The following VPS33A variants were observed in gnomAD, a reference collection of about 807,000 sequenced individuals.
VPS33A encodes the protein VPS33A core subunit of CORVET and HOPS complexes.
A neutral mutation model predicts 71.8 loss-of-function variants in VPS33A; 32 were observed. The observed-to-expected ratio is 0.45, with a 90% confidence interval of 0.34 to 0.60. VPS33A has a LOEUF of 0.60. Among genes scored for constraint, VPS33A ranks in the 20% least tolerant of loss-of-function variants. The probability of loss-of-function intolerance (pLI) is 0.02; values close to 1 mark genes in which losing one functional copy is unlikely to be tolerated. For synonymous variants in VPS33A, 311 were observed against 292.7 expected (o/e 1.06, Z -0.64); for missense variants, 625 against 748.5 (o/e 0.84, Z 1.92).
chr12:122,256,186 A>C (rs901368816), intron 4 of VPS33A, among the ~76,000 whole-genome samples: 1 of 152,072 alleles, frequency 6.6e-6, no homozygotes, highest in African/African-American at 2.4e-5. Context: ...CTCTGTAACA[A>C]CACAATGGGG....
At chr12:122,261,712 T>G (rs1326996505) in intron 3 of VPS33A, among the ~76,000 whole-genome samples, 1 of 151,988 alleles carries the variant, frequency 6.6e-6, no homozygotes, top group Non-Finnish European at 1.5e-5. Context: ...CTATAAAATA[T>G]ACAAAAATGG....
intron 4 of VPS33A, among the ~76,000 whole-genome samples, chr12:122,256,240 C>G (rs1464154003): frequency 6.6e-6 from 1 of 151,936 alleles, no homozygotes; most frequent in East Asian, 1.9e-4. Flanking sequence ...CAGCGGTTCC[C>G]TAAAGTTCTA....
chr12:122,250,069 GTGGGGCCCCCC>G, intron 5 of VPS33A, 24 bp from the exon 6 acceptor site: 1 of 1,576,262 alleles, frequency 6.3e-7, no homozygotes, highest in Middle Eastern at 1.7e-4. Flanking sequence ...ATTGGATGAG[GTGGGGCCCCCC>G]TGGGAACAAG....
At position 122,232,995 on chromosome 12, in the gene VPS33A, C is replaced by T. The variant is rs557860368; in HGVS notation, c.1441-27G>A. On this transcript the variant is annotated intron_variant, in intron 11 of 12. Coordinates refer to ENST00000267199, the MANE Select transcript of VPS33A (RefSeq NM_022916.6). ...TGTGAGATAATTAAAGAACAAAAAC[C>T]CTATAGATACAGAGACTTAGAGCTA... 1.6e-5 allele frequency: 25 copies of T among 1,556,950 alleles called. No homozygotes were observed. The African/African-American group carries it at 2.2e-4, about 14-fold the overall frequency.
Position 122,232,862 on chromosome 12 carries a change from C to T in VPS33A, c.1547G>A (p.Arg516His), listed in dbSNP as rs780640051. ...CTCAAAGTGGGGCCCTGGGAGGATG[C>T]GGAGGACCTCCTCGATGCTCCGCCA... The part of the protein sequence containing the change: ...PGWRSIEEVL[R>H]ILPGPHFEER... The change falls in exon 12 of 13, where the codon CGC becomes CAC. Residue 516 changes from arginine to histidine, a missense_variant. Arg to His is a conservative substitution (Grantham distance 29, BLOSUM62 0). Coordinates refer to ENST00000267199, the MANE Select transcript of VPS33A (RefSeq NM_022916.6). 2 of 1,614,114 alleles carry T rather than the reference C, an allele frequency of 1.2e-6. No homozygotes were observed. Among genetic ancestry groups the T allele is most frequent in the Non-Finnish European group, 8.5e-7 (1 of 1,180,010 alleles).
In VPS33A at chr12:122,261,326, A is replaced by G; in HGVS notation, c.418T>C (p.Tyr140His). 1 of 1,613,774 alleles carries G rather than the reference A, an allele frequency of 6.2e-7. No homozygotes were observed. Among genetic ancestry groups the G allele is most frequent in the South Asian group, 1.1e-5 (1 of 91,058 alleles). The change falls in exon 4 of 13, where the codon TAC becomes CAC. Residue 140 changes from tyrosine (Y) to histidine (H), a missense_variant. Physicochemically the swap from Tyr to His is moderately conservative, Grantham distance 83. Coordinates refer to ENST00000267199, the MANE Select transcript of VPS33A (RefSeq NM_022916.6). Reference sequence around the variant, plus strand: ...TCGAATGGAATGAGATCTAAGCTGTACTCCTCCCTGTGAATAAAGGATCCC... The same window carrying G: ...TCGAATGGAATGAGATCTAAGCTGTGCTCCTCCCTGTGAATAAAGGATCCC... ...VLGSFIHREEYSLDLIPFDGD... is the reference protein window; with the variant it reads ...VLGSFIHREEHSLDLIPFDGD...
chr12:122,247,680 T>C (rs1251107218), intron 6 of VPS33A, among the ~76,000 whole-genome samples: 1 of 152,114 alleles, frequency 6.6e-6, no homozygotes, highest in Non-Finnish European at 1.5e-5. Context: ...CAGTGAATGA[T>C]CCAGTAGCAT....
chr12:122,242,315 C>T, intron 8 of VPS33A, 67 bp downstream of exon 8: 2 of 1,578,354 alleles, frequency 1.3e-6, no homozygotes, highest in South Asian at 2.3e-5. Flanking sequence ...GTGTTGATGA[C>T]CTAGGTGTCA....
intron 6 of VPS33A, among the ~76,000 whole-genome samples, chr12:122,246,762 G>T (rs1359793334): frequency 1.3e-5 from 2 of 151,552 alleles, no homozygotes; most frequent in East Asian, 3.9e-4. Flanking sequence ...ACCATACCTG[G>T]CTAATTTTTT....
intron 12 of VPS33A, 64 bp downstream of exon 12, chr12:122,232,736 G>GTACAA: frequency 1.3e-6 from 2 of 1,547,648 alleles, no homozygotes; most frequent in South Asian, 2.5e-5. Context: ...CAAAGCAACT[G>GTACAA]TACAATACCT....
chr12:122,243,297 G>A (rs1478150284), intron 7 of VPS33A, among the ~76,000 whole-genome samples: 1 of 152,142 alleles, frequency 6.6e-6, no homozygotes, highest in Admixed American at 6.5e-5. Flanking sequence ...CCAGGCTGGA[G>A]TGCAGTGGTG....
rs1954534106 is a variant in VPS33A, at chr12:122,229,652, C to T, written c.*2594G>A. ...AAGTCCAGACATGATGTAAACAATC[C>T]ACTCTCCCCAACAATAAATGTACCG... On this transcript the variant is annotated 3_prime_UTR_variant, in exon 13 of 13. Transcript: ENST00000267199. 6.6e-6 allele frequency: 1 copy of T among 152,130 alleles called. No individual in the cohort carries two copies. The highest frequency in any genetic ancestry group is 1.5e-5 in the Non-Finnish European group (1 of 68,028). The allele number at this position is 152,130 out of a possible 1,614,324, so 9.4% of individuals were successfully genotyped here. A position where few individuals can be genotyped will look rare whatever the true frequency, so the allele number is the denominator to read the frequency against.
intron 4 of VPS33A, among the ~76,000 whole-genome samples, chr12:122,257,909 C>A (rs1365895745): frequency 1.3e-5 from 2 of 152,056 alleles, no homozygotes; most frequent in African/African-American, 4.8e-5. Flanking sequence ...AAAACAGACC[C>A]TTACATTTGT....
intron 11 of VPS33A, 23 bp downstream of exon 11, chr12:122,235,763 C>A (rs2271408): frequency 1.9e-6 from 3 of 1,597,394 alleles, no homozygotes; most frequent in South Asian, 1.1e-5. Flanking sequence ...TAAGCTGAGA[C>A]GAGGTGGAGA....
chr12:122,245,884 A>G (rs569208713), intron 6 of VPS33A, among the ~76,000 whole-genome samples: 17 of 152,318 alleles, frequency 1.1e-4, no homozygotes, highest in African/African-American at 3.6e-4. Flanking sequence ...AACAAGCAAA[A>G]GCCTAAAATA....
intron 4 of VPS33A, among the ~76,000 whole-genome samples, chr12:122,258,244 G>C (rs2136147818): frequency 6.6e-6 from 1 of 152,054 alleles, no homozygotes; most frequent in African/African-American, 2.4e-5. Context: ...AAAAATTATA[G>C]AACTCTTAGA....
At position 122,236,059 on chromosome 12, in the gene VPS33A, T is replaced by TGGGCACAGAGGACA. The variant is rs1420775852; in HGVS notation, c.1303-150_1303-137dup. The TGGGCACAGAGGACA allele has an allele frequency of 1.1e-5, 12 of 1,093,618 alleles. No homozygotes were observed. The African/African-American group carries it at 1.8e-4, about 16-fold the overall frequency. 67.7% of individuals were successfully genotyped at this position (1,093,618 alleles called of 1,614,324 possible). ...ACCAAAGTCCAGCAATGTTAGTGGATGGGCACAGAGGACAGGGTGGAGGGA... is the reference window on the plus strand; with the variant it reads ...ACCAAAGTCCAGCAATGTTAGTGGATGGGCACAGAGGACAGGGCACAGAGGACAGGGTGGAGGGA... On this transcript the variant is annotated intron_variant, in intron 10 of 12. Transcript: ENST00000267199.
chr12:122,239,546 A>G (rs1421675933), intron 9 of VPS33A, among the ~76,000 whole-genome samples: 1 of 152,108 alleles, frequency 6.6e-6, no homozygotes, highest in Admixed American at 6.5e-5. Flanking sequence ...CATCCTGGCT[A>G]ACATGGTGAA....
At chr12:122,245,503 G>T (rs1954765595) in intron 6 of VPS33A, among the ~76,000 whole-genome samples, 1 of 151,244 alleles carries the variant, frequency 6.6e-6, no homozygotes, top group African/African-American at 2.4e-5. Context: ...GAGTGCAATG[G>T]CACGATCTCG....
Sources: allele counts gnomAD v4.1 joint callset (sites outside exome capture counted in the v4.1 genomes callset), GRCh38; gene constraint gnomAD v4.1.1; transcripts MANE v1.5; gene names NCBI Gene and HGNC (gene_info 2026-07-23, HGNC 2026-07-21).